PDZD2: variants seen among roughly 807,000 people sequenced by gnomAD.
The protein encoded by PDZD2 is PDZ domain containing 2, also known as PDZ domain-containing protein 2.
In PDZD2, 90 loss-of-function variants were observed where a neutral mutation model predicts 220.7. The observed-to-expected ratio is 0.41, with a 90% CI of 0.34 to 0.49. The LOEUF is 0.49. PDZD2 is among the 20% of genes least tolerant of loss of function. The pLI is 0.28. For synonymous variants in PDZD2, 1,375 were observed against 1,450.5 expected (o/e 0.95, Z 1.18); for missense variants, 3,174 against 3,608.5 (o/e 0.88, Z 3.08).
At chr5:32,084,371 C>G (rs1433676615) in intron 19 of PDZD2, among the ~76,000 whole-genome samples, 1 of 152,236 alleles carries the variant, frequency 6.6e-6, no homozygotes, top group East Asian at 1.9e-4. Flanking sequence ...CATTGCTTAA[C>G]CACGCTGTTT....
At chr5:31,912,418 C>A (rs916799953) in intron 2 of PDZD2, among the ~76,000 whole-genome samples, 1 of 152,138 alleles carries the variant, frequency 6.6e-6, no homozygotes, top group African/African-American at 2.4e-5. Context: ...ATGGGCCTCC[C>A]AAAATTTGTA....
intron 2 of PDZD2, among the ~76,000 whole-genome samples, chr5:31,883,881 G>A (rs940165989): frequency 1.6e-4 from 25 of 152,130 alleles, no homozygotes; most frequent in African/African-American, 5.5e-4. Context: ...GATTACAGGC[G>A]TGGGCCACAG....
At chr5:31,756,981 T>TA (rs1302303178) in intron 1 of PDZD2, among the ~76,000 whole-genome samples, 1 of 152,234 alleles carries the variant, frequency 6.6e-6, no homozygotes, top group Non-Finnish European at 1.5e-5. Context: ...GGCCTGTAGT[T>TA]ACAGCATATT....
chr5:31,858,307 TGG>T (rs1285423471), intron 2 of PDZD2, among the ~76,000 whole-genome samples: 2 of 152,178 alleles, frequency 1.3e-5, no homozygotes, highest in African/African-American at 2.4e-5. Context: ...CCTTCTCCTC[TGG>T]GACACCCAGT....
intron 5 of PDZD2, among the ~76,000 whole-genome samples, chr5:32,007,351 G>C (rs1334048622): frequency 6.7e-6 from 1 of 149,412 alleles, no homozygotes; most frequent in Non-Finnish European, 1.5e-5. Context: ...AGTCTATCCT[G>C]TATCTGCTAT....
At chr5:31,903,913 G>A (rs554863503) in intron 2 of PDZD2, among the ~76,000 whole-genome samples, 80 of 151,966 alleles carry the variant, frequency 5.3e-4, no homozygotes, top group Non-Finnish European at 1.0e-4. Flanking sequence ...TAGTAGAGAC[G>A]GGGTTTCACG....
intron 1 of PDZD2, among the ~76,000 whole-genome samples, chr5:31,651,170 A>G (rs1281731383): frequency 6.6e-6 from 1 of 150,868 alleles, no homozygotes; most frequent in Non-Finnish European, 1.5e-5. Flanking sequence ...GCAAACAGTA[A>G]TTGTGAGGAT....
intron 1 of PDZD2, among the ~76,000 whole-genome samples, chr5:31,728,493 T>C (rs1227339766): frequency 2.0e-5 from 3 of 152,176 alleles, no homozygotes; most frequent in Non-Finnish European, 4.4e-5. Context: ...GCTGTCTAGA[T>C]GTTGAAGGGC....
chr5:32,032,606 G>A (rs1036966997), intron 6 of PDZD2, among the ~76,000 whole-genome samples: 1 of 152,032 alleles, frequency 6.6e-6, no homozygotes, highest in Admixed American at 6.6e-5. Flanking sequence ...AGAATTTGTT[G>A]CTTTTGTCTT....
chr5:31,668,459 A>G (rs1402063689), intron 1 of PDZD2, among the ~76,000 whole-genome samples: 1 of 152,242 alleles, frequency 6.6e-6, no homozygotes. Context: ...ACCATTGCCC[A>G]AATAAATCCT....
At chr5:32,015,318 C>G (rs1376014311) in intron 6 of PDZD2, among the ~76,000 whole-genome samples, 1 of 151,682 alleles carries the variant, frequency 6.6e-6, no homozygotes, top group Non-Finnish European at 1.5e-5. Flanking sequence ...GTGATCATAG[C>G]TCACTGTAAC....
intron 2 of PDZD2, among the ~76,000 whole-genome samples, chr5:31,824,435 A>G (rs1305261559): frequency 1.3e-5 from 2 of 152,292 alleles, no homozygotes; most frequent in East Asian, 3.9e-4. Flanking sequence ...TGCCTTCCTT[A>G]ACCAGATTAT....
intron 2 of PDZD2, among the ~76,000 whole-genome samples, chr5:31,966,346 C>T (rs1449179145): frequency 2.0e-5 from 3 of 152,158 alleles, no homozygotes; most frequent in African/African-American, 7.2e-5. Context: ...TTTGGAACTC[C>T]TAAAATAAAC....
chr5:31,909,040 C>G (rs1024158721), intron 2 of PDZD2: 1 of 204,882 alleles, frequency 4.9e-6, no homozygotes, highest in Admixed American at 5.6e-5. Context: ...GACTCTGTCT[C>G]AAAACAAACA....
intron 1 of PDZD2, among the ~76,000 whole-genome samples, chr5:31,775,664 C>CGTGTGTGTGTGTGTGTGTGT (rs370394146): frequency 7.4e-6 from 1 of 135,374 alleles, no homozygotes; most frequent in Non-Finnish European, 1.6e-5. Context: ...ACTCACAGAG[C>CGTGTGTGTGTGTGTGTGTGT]GTGTGTGTGT....
intron 1 of PDZD2, among the ~76,000 whole-genome samples, chr5:31,683,151 T>C (rs1217104226): frequency 6.9e-6 from 1 of 144,478 alleles, no homozygotes; most frequent in Non-Finnish European, 1.5e-5. Flanking sequence ...TGGCTTTGGG[T>C]ACAGGCTGCT....
In PDZD2 at chr5:31,910,130, A is replaced by G. The variant is rs560802835; in HGVS notation, c.477-73025A>G. On this transcript the variant is annotated intron_variant, in intron 2 of 24. Transcript: ENST00000438447. ...GGGAACTAAGGTTCAGAAAGGTCAA[A>G]TAACTTACCTATGCGCTCAAAGTCA... Among the ~76,000 whole-genome samples, 4 of 152,220 alleles carry G rather than the reference A, an allele frequency of 2.6e-5. 1 individual carries two copies. The South Asian group carries it at 8.3e-4, about 32-fold the overall frequency.
intron 1 of PDZD2, among the ~76,000 whole-genome samples, chr5:31,722,930 C>G (rs1748892898): frequency 6.6e-6 from 1 of 152,128 alleles, no homozygotes; most frequent in African/African-American, 2.4e-5. Context: ...TCAGGTGATC[C>G]ACCCTCCTCA....
intron 2 of PDZD2, among the ~76,000 whole-genome samples, chr5:31,844,367 A>T (rs1181439761): frequency 6.6e-6 from 1 of 152,214 alleles, no homozygotes; most frequent in Non-Finnish European, 1.5e-5. Flanking sequence ...CTATTCTTGG[A>T]AGCAGATGTC....
Sources: allele counts gnomAD v4.1 joint callset (sites outside exome capture counted in the v4.1 genomes callset), GRCh38; gene constraint gnomAD v4.1.1; transcripts MANE v1.5; gene names NCBI Gene and HGNC (gene_info 2026-07-23, HGNC 2026-07-21).